The following LOXL3 variants were observed in gnomAD, a reference collection of about 807,000 sequenced individuals.
The protein encoded by LOXL3 is lysyl oxidase homolog 3.
A neutral mutation model predicts 91.8 loss-of-function variants in LOXL3; 60 were observed. The observed-to-expected ratio is 0.65, with a 90% confidence interval of 0.53 to 0.81. The LOEUF is 0.81. LOXL3 is among the 30% of genes least tolerant of loss of function. The pLI, the probability that LOXL3 is intolerant of heterozygous loss-of-function variation, is 0.00. For missense variants in LOXL3, 874 were observed against 1,000.4 expected, an observed-to-expected ratio of 0.87 and a Z score of 1.70; for synonymous variants, 355 against 387.6, an observed-to-expected ratio of 0.92 and a Z score of 0.99.
intron 2 of LOXL3, among the ~76,000 whole-genome samples, chr2:74,550,740 T>C (rs1558630675): frequency 6.6e-6 from 1 of 152,118 alleles, no homozygotes; most frequent in Non-Finnish European, 1.5e-5. Flanking sequence ...CTGTTTTATA[T>C]AAAGAAACTG....
intron 4 of LOXL3, among the ~76,000 whole-genome samples, chr2:74,543,899 T>TAAAAAAAAA (rs1352260802): frequency 2.0e-5 from 1 of 49,318 alleles, no homozygotes; most frequent in Non-Finnish European, 3.4e-5. Flanking sequence ...AGGCTCTGTC[T>TAAAAAAAAA]CAAAAAAAAA....
In LOXL3 at chr2:74,535,443, G is replaced by T; in HGVS notation, c.1428C>A (p.Tyr476Ter). Residue 476 changes from tyrosine (Y) to a stop codon, truncating the protein, a stop_gained, in exon 9 of 14, where the codon TAC (tyrosine) becomes TAA (stop). Transcript: ENST00000264094. LOFTEE classifies it high-confidence loss of function. This position sits in a 1 kb window ranked among gnomAD's most constrained non-coding sequence, Gnocchi z 4.2. ...CCTCTGTTATATTCCCAGAGTCCCA[G>T]TACCAGGTCTCCTGGGGACATATGC... The part of the protein sequence containing the change: ...YANHGLQETW[Y>*]WDSGNITEVV... The T allele has an allele frequency of 6.2e-7, 1 of 1,613,908 alleles. No homozygotes were observed. The highest frequency in any genetic ancestry group is 8.5e-7 in the Non-Finnish European group (1 of 1,180,030).
At chr2:74,545,916 T>C (rs908466744) in intron 4 of LOXL3, among the ~76,000 whole-genome samples, 1 of 152,180 alleles carries the variant, frequency 6.6e-6, no homozygotes, top group Non-Finnish European at 1.5e-5. Context: ...GCCTCGCCAC[T>C]TCAATGTCTT....
At chr2:74,534,288 A>G in intron 11 of LOXL3, 28 bp downstream of exon 11, 1 of 1,614,152 alleles carries the variant, frequency 6.2e-7, no homozygotes, top group Non-Finnish European at 8.5e-7. Flanking sequence ...AATGGATACC[A>G]TGTGGTTCAC....
intron 4 of LOXL3, among the ~76,000 whole-genome samples, chr2:74,545,591 C>G (rs969260774): frequency 6.6e-6 from 1 of 152,138 alleles, no homozygotes; most frequent in South Asian, 2.1e-4. Context: ...GTTGCTAAAT[C>G]CAGCATTTGT....
At chr2:74,548,117 T>C (rs1451313076) in intron 4 of LOXL3, among the ~76,000 whole-genome samples, 2 of 152,212 alleles carry the variant, frequency 1.3e-5, no homozygotes, top group African/African-American at 2.4e-5. Flanking sequence ...TTTTAAACAT[T>C]TCCACAACAA....
intron 2 of LOXL3, 131 bp downstream of exon 2, chr2:74,552,191 C>T (rs1573030835): frequency 2.4e-6 from 2 of 817,780 alleles, no homozygotes; most frequent in East Asian, 5.4e-5. Context: ...GGTTTGTCAT[C>T]CATGGATTTA....
In LOXL3 at chr2:74,535,601, T is replaced by C; in HGVS notation, c.1403A>G (p.Asn468Ser). The C allele has an allele frequency of 1.2e-6, 2 of 1,614,082 alleles. No individual in the cohort carries two copies. Among genetic ancestry groups the C allele is most frequent in the Non-Finnish European group, 1.7e-6 (2 of 1,180,026 alleles). The change falls in exon 8 of 14, where the codon AAC becomes AGC. Residue 468 changes from asparagine to serine, a missense_variant. By Grantham distance (46) the Asn-to-Ser change is conservative. Coordinates refer to ENST00000264094, the MANE Select transcript of LOXL3 (RefSeq NM_032603.5). The surrounding 1 kb of genome is among the most constrained non-coding windows in gnomAD (Gnocchi z 4.2). ...ACRQLGLGYA[N>S]HGLQETWYWD... ...CTTCCCACTCACCTGCAGGCCGTGG[T>C]TGGCGTAGCCCAGACCCAGTTGCCT...
chr2:74,553,266 G>A (rs1677143591), intron 1 of LOXL3, among the ~76,000 whole-genome samples: 1 of 152,088 alleles, frequency 6.6e-6, no homozygotes, highest in Non-Finnish European at 1.5e-5. Context: ...CTGAATGGGA[G>A]CCCAGAGTCC....
intron 4 of LOXL3, among the ~76,000 whole-genome samples, chr2:74,545,582 T>C (rs1676542626): frequency 6.6e-6 from 1 of 152,198 alleles, no homozygotes; most frequent in Non-Finnish European, 1.5e-5. Context: ...GACTTTACTG[T>C]TGCTAAATCC....
Position 74,536,984 on chromosome 2 carries a change from C to A in LOXL3, c.693-56G>T. ...TAAAACAATGCTCCTGCCTCTTGGC[C>A]CCACAAACATCCTCCCACTTCATGC... On this transcript the variant is annotated intron_variant, in intron 4 of 13. Transcript: ENST00000264094. The surrounding 1 kb of genome is among the most constrained non-coding windows in gnomAD (Gnocchi z 4.5). 1 of 1,436,690 alleles carries A rather than the reference C, an allele frequency of 7.0e-7. No homozygotes were observed. The highest frequency in any genetic ancestry group is 1.2e-5 in the South Asian group (1 of 83,708). The allele number at this position is 1,436,690 out of a possible 1,614,324, so 89.0% of individuals were successfully genotyped here. A position where few individuals can be genotyped will look rare whatever the true frequency, so the allele number is the denominator to read the frequency against.
chr2:74,549,484 G>T lies in LOXL3; in HGVS notation c.577C>A (p.Leu193Ile). 1 of 1,613,504 alleles carries T rather than the reference G, an allele frequency of 6.2e-7. No homozygotes were observed. Among genetic ancestry groups the T allele is most frequent in the Non-Finnish European group, 8.5e-7 (1 of 1,179,838 alleles). Reference sequence around the variant, plus strand: ...CACACTTGCGACCAGCCGTCAGGAAGCCTGACTTCCACCAGCCCCTCCGTC... The same window carrying T: ...CACACTTGCGACCAGCCGTCAGGAATCCTGACTTCCACCAGCCCCTCCGTC... ...PVTEGLVEVR[L>I]PDGWSQVCDK... Residue 193 changes from leucine to isoleucine, a missense_variant, in exon 4 of 14, where the codon CTT (leucine) becomes ATT (isoleucine). By Grantham distance (5) the Leu-to-Ile change is conservative. Transcript: ENST00000264094. The surrounding 1 kb of genome is among the most constrained non-coding windows in gnomAD (Gnocchi z 5.3).
chr2:74,552,628 G>A lies in LOXL3; in HGVS notation c.7C>T (p.Pro3Ser), dbSNP rs1558632386. 6.4e-7 allele frequency: 1 copy of A among 1,555,320 alleles called. No individual in the cohort carries two copies. The highest frequency in any genetic ancestry group is 1.4e-5 in the African/African-American group (1 of 73,718). The change falls in exon 2 of 14, where the codon CCT (proline) becomes TCT (serine). Residue 3 changes from proline (P) to serine (S), a missense_variant. By Grantham distance (74) the Pro-to-Ser change is moderately conservative. Transcript: ENST00000264094. ...GGGCTCCACTGCCAGACACTGACAG[G>A]TCGCATGGCAGGGAAGGCCTGGGTG... is the stretch of plus-strand genomic sequence containing the variant. MR[P>S]VSVWQWSPWG...
At position 74,536,979 on chromosome 2, in the gene LOXL3, T is replaced by G. The variant is rs764594633; in HGVS notation, c.693-51A>C. Reference sequence around the variant, plus strand: ...TAGGGTAAAACAATGCTCCTGCCTCTTGGCCCCACAAACATCCTCCCACTT... The same window carrying G: ...TAGGGTAAAACAATGCTCCTGCCTCGTGGCCCCACAAACATCCTCCCACTT... On this transcript the variant is annotated intron_variant, in intron 4 of 13. Coordinates refer to ENST00000264094, the MANE Select transcript of LOXL3 (RefSeq NM_032603.5). The surrounding 1 kb of genome is among the most constrained non-coding windows in gnomAD (Gnocchi z 4.5). 2.0e-6 allele frequency: 3 copies of G among 1,493,462 alleles called. No homozygotes were observed. In the East Asian group the frequency reaches 6.9e-5, roughly 34 times the overall value. 92.5% of individuals were successfully genotyped at this position (1,493,462 alleles called of 1,614,324 possible).
At chr2:74,543,461 AGGG>A (rs1366986600) in intron 4 of LOXL3, among the ~76,000 whole-genome samples, 1 of 152,218 alleles carries the variant, frequency 6.6e-6, no homozygotes, top group African/African-American at 2.4e-5. Context: ...CCAGAAACCT[AGGG>A]GTCAATCCTG....
chr2:74,533,152 A>G lies in LOXL3; in HGVS notation c.*454T>C, dbSNP rs780729694. The G allele has an allele frequency of 2.7e-5, 17 of 627,196 alleles. No homozygotes were observed. The highest frequency in any genetic ancestry group is 4.7e-5 in the Non-Finnish European group (17 of 359,104). 38.9% of individuals were successfully genotyped at this position (627,196 alleles called of 1,614,324 possible). The stretch of plus-strand genomic sequence containing the variant: ...GAAGAATCACAGAAACACTTTTTAT[A>G]TAAAATAAAATTATACCTAGCAACA... On this transcript the variant is annotated 3_prime_UTR_variant, in exon 14 of 14. Transcript: ENST00000264094.
At chr2:74,553,640 C>T (rs976344782) in intron 1 of LOXL3, among the ~76,000 whole-genome samples, 2 of 152,310 alleles carry the variant, frequency 1.3e-5, no homozygotes, top group East Asian at 3.9e-4. Flanking sequence ...CAGCGCCTCC[C>T]GGAGGAGCCC....
chr2:74,553,754 A>C (rs1193017822), intron 1 of LOXL3, 122 bp downstream of exon 1: 3 of 152,450 alleles, frequency 2.0e-5, no homozygotes, highest in African/African-American at 7.2e-5. Flanking sequence ...TTTGACAAGA[A>C]TCAAACTCTC....
chr2:74,541,950 G>C (rs1676348180), intron 4 of LOXL3, among the ~76,000 whole-genome samples: 1 of 152,104 alleles, frequency 6.6e-6, no homozygotes. Flanking sequence ...ATTCACAGAT[G>C]TGTTTGTTTC....
Sources: gnomAD v4.1 joint callset for allele counts (sites outside exome capture counted in the v4.1 genomes callset) on GRCh38, gnomAD v4.1.1 for gene constraint, Gnocchi (gnomAD v3.1) non-coding constraint, MANE v1.5 for transcripts, NCBI Gene and HGNC (gene_info 2026-07-23, HGNC 2026-07-21) for gene names.